Variants in MTHFD1L observed in about 807,000 individuals in gnomAD.
MTHFD1L encodes the protein methylenetetrahydrofolate dehydrogenase (NADP+ dependent) 1 like, also known as monofunctional C1-tetrahydrofolate synthase, mitochondrial.
A neutral mutation model predicts 119.5 loss-of-function variants in MTHFD1L; 81 were observed. The observed-to-expected ratio is 0.68, with a 90% CI of 0.57 to 0.82. The LOEUF (loss-of-function observed/expected upper bound fraction) is 0.82, where lower values mean the gene tolerates loss of function less well. MTHFD1L is among the 40% of genes least tolerant of loss of function. MTHFD1L has a pLI of 0.00. For missense variants in MTHFD1L, 1,125 were observed against 1,253.4 expected (o/e 0.90, Z 1.55); for synonymous variants, 430 against 475.2 (o/e 0.90, Z 1.24).
intron 26 of MTHFD1L, among the ~76,000 whole-genome samples, chr6:151,084,980 A>ATATAT (rs1210605426): frequency 6.3e-5 from 8 of 127,502 alleles, no homozygotes; most frequent in Non-Finnish European, 1.1e-4. Context: ...GAAAAAAAAA[A>ATATAT]AAAAATATAT....
At chr6:151,034,171 A>G (rs1409502573) in intron 24 of MTHFD1L, among the ~76,000 whole-genome samples, 1 of 152,082 alleles carries the variant, frequency 6.6e-6, no homozygotes, top group Non-Finnish European at 1.5e-5. Context: ...TGTCTTAAAA[A>G]AAAAAAAGAA....
chr6:150,865,739 G>GCCA lies in MTHFD1L; in HGVS notation c.-82_-81insACC, dbSNP rs1009164761. 5.2e-6 allele frequency: 6 copies of GCCA among 1,146,264 alleles called. No homozygotes were observed. Among genetic ancestry groups the GCCA allele is most frequent in the South Asian group, 2.4e-5 (1 of 42,540 alleles). The allele number at this position is 1,146,264 out of a possible 1,614,324, so 71.0% of individuals were successfully genotyped here. On this transcript the variant is annotated 5_prime_UTR_variant, in exon 1 of 28. Coordinates refer to ENST00000367321, the MANE Select transcript of MTHFD1L (RefSeq NM_015440.5). Reference sequence around the variant, plus strand: ...GGTCCTTCCCGCCGCCGCCGCCGCCGCCGCCGCCTGCTCCCCTGGCACGCG... The same window carrying GCCA: ...GGTCCTTCCCGCCGCCGCCGCCGCCGCCACCGCCGCCTGCTCCCCTGGCACGCG...
At chr6:151,015,773 A>G (rs2128491921) in intron 24 of MTHFD1L, 80 bp downstream of exon 24, 2 of 1,491,810 alleles carry the variant, frequency 1.3e-6, no homozygotes, top group East Asian at 2.3e-5. Flanking sequence ...CCACAACCCT[A>G]CAGATAAGAA....
intron 9 of MTHFD1L, among the ~76,000 whole-genome samples, chr6:150,919,311 C>A (rs1383542943): frequency 6.6e-6 from 1 of 151,998 alleles, no homozygotes; most frequent in Non-Finnish European, 1.5e-5. Context: ...GCAACCTCCA[C>A]CTCCTGGGTT....
intron 15 of MTHFD1L, among the ~76,000 whole-genome samples, chr6:150,947,309 G>A (rs1010244503): frequency 1.3e-5 from 2 of 151,270 alleles, no homozygotes; most frequent in African/African-American, 4.8e-5. Context: ...TGGCCAGGCT[G>A]GTCTCGAACT....
intron 24 of MTHFD1L, among the ~76,000 whole-genome samples, chr6:151,033,941 C>T (rs747143389): frequency 2.6e-5 from 4 of 151,834 alleles, no homozygotes; most frequent in Admixed American, 2.0e-4. Context: ...TTTGGGAGGC[C>T]GAGGTGGACA....
At chr6:151,031,737 A>G (rs1285717840) in intron 24 of MTHFD1L, among the ~76,000 whole-genome samples, 3 of 152,108 alleles carry the variant, frequency 2.0e-5, no homozygotes, top group African/African-American at 4.8e-5. Context: ...GGGTTATTCT[A>G]TTGTTACCTC....
At chr6:150,995,689 G>A (rs890284185) in intron 20 of MTHFD1L, among the ~76,000 whole-genome samples, 9 of 151,818 alleles carry the variant, frequency 5.9e-5, no homozygotes, top group African/African-American at 1.7e-4. Context: ...GTTTTGAGAC[G>A]GAGTTTTGCT....
intron 8 of MTHFD1L, among the ~76,000 whole-genome samples, chr6:150,915,441 T>C (rs951415278): frequency 6.6e-6 from 1 of 152,340 alleles, no homozygotes; most frequent in African/African-American, 2.4e-5. Context: ...TTTGCTAAGT[T>C]CTATGCTATG....
chr6:151,076,127 T>C (rs1447836140), intron 26 of MTHFD1L, among the ~76,000 whole-genome samples: 1 of 152,144 alleles, frequency 6.6e-6, no homozygotes, highest in Non-Finnish European at 1.5e-5. Flanking sequence ...TCCCAACACT[T>C]TGACAGGCAG....
At chr6:151,016,702 A>C in intron 24 of MTHFD1L, 1 of 294,358 alleles carries the variant, frequency 3.4e-6, no homozygotes, top group South Asian at 3.3e-5. Flanking sequence ...GTATATATAC[A>C]TACATAATAT....
Position 150,926,275 on chromosome 6 carries a change from A to C in MTHFD1L, c.1236A>C (p.Gly412=). The C allele has an allele frequency of 6.2e-7, 1 of 1,612,216 alleles. No homozygotes were observed. The highest frequency in any genetic ancestry group is 8.5e-7 in the Non-Finnish European group (1 of 1,178,584). The change falls in exon 11 of 28, where the codon GGA becomes GGC. Residue 412 remains glycine, a synonymous_variant. Coordinates refer to ENST00000367321, the MANE Select transcript of MTHFD1L (RefSeq NM_015440.5). This position sits in a 1 kb window ranked among gnomAD's most constrained non-coding sequence, Gnocchi z 4.3. ...AAAGGTTAAAGGATCAAGCAGATGGAAAATACGTCTTAGTTGCTGGGTAAG... is the reference window on the plus strand; with the variant it reads ...AAAGGTTAAAGGATCAAGCAGATGGCAAATACGTCTTAGTTGCTGGGTAAG... ...VLERLKDQAD[G]KYVLVAGITP... is the part of the protein sequence containing the mutation.
rs532410313 is a variant in MTHFD1L at position 151,062,921 on chromosome 6, T to G, written c.2847+25804T>G. On this transcript the variant is annotated intron_variant, in intron 26 of 27. Coordinates refer to ENST00000367321, the MANE Select transcript of MTHFD1L (RefSeq NM_015440.5). ...AGGGGGGAGGGATAGCATTAGGAGA[T>G]ATACCTAATGTAAATGTCGAGTTAA... Among the ~76,000 whole-genome samples, 103 of 152,178 alleles carry G rather than the reference T, an allele frequency of 6.8e-4. 2 individuals carry two copies. Among genetic ancestry groups the G allele is most frequent in the Middle Eastern group, 3.4e-3 (1 of 294 alleles).
chr6:150,879,988 T>A (rs1457623406), intron 4 of MTHFD1L, among the ~76,000 whole-genome samples: 2 of 152,164 alleles, frequency 1.3e-5, no homozygotes, highest in African/African-American at 4.8e-5. Context: ...TGACACATAA[T>A]AATTGTGCAT....
chr6:151,082,019 A>G (rs1793240863), intron 26 of MTHFD1L, among the ~76,000 whole-genome samples: 1 of 152,158 alleles, frequency 6.6e-6, no homozygotes, highest in Admixed American at 6.5e-5. Flanking sequence ...CCAGCCCACA[A>G]CATCACAGTT....
At chr6:150,932,703 G>C (rs1039015029) in intron 11 of MTHFD1L, among the ~76,000 whole-genome samples, 1 of 151,876 alleles carries the variant, frequency 6.6e-6, no homozygotes, top group Non-Finnish European at 1.5e-5. Context: ...GGGAGGCAGA[G>C]ATTGCAGTGA....
chr6:150,974,494 T>C (rs528662), intron 20 of MTHFD1L, among the ~76,000 whole-genome samples: 82,049 of 151,516 alleles, frequency 0.54, 23,710 homozygotes, highest in African/African-American at 0.74. Context: ...GAAGTACACC[T>C]TCATTGTTGT....
chr6:151,079,793 G>A (rs1353931267), intron 26 of MTHFD1L, among the ~76,000 whole-genome samples: 2 of 151,508 alleles, frequency 1.3e-5, no homozygotes, highest in Non-Finnish European at 2.9e-5. Flanking sequence ...CTGGCCATGG[G>A]AACAGTCATG....
intron 26 of MTHFD1L, among the ~76,000 whole-genome samples, chr6:151,068,922 A>C (rs1005992963): frequency 6.6e-6 from 1 of 152,182 alleles, no homozygotes; most frequent in Non-Finnish European, 1.5e-5. Flanking sequence ...AATTTCTTGG[A>C]AGCATTGATC....
Sources: allele counts gnomAD v4.1 joint callset (sites outside exome capture counted in the v4.1 genomes callset), GRCh38; gene constraint gnomAD v4.1.1; non-coding constraint Gnocchi (gnomAD v3.1); transcripts MANE v1.5; gene names NCBI Gene and HGNC (gene_info 2026-07-23, HGNC 2026-07-21).